SLC39A11: variants seen among roughly 807,000 people sequenced by gnomAD.
SLC39A11 encodes the protein solute carrier family 39 member 11.
A neutral mutation model predicts 36.1 loss-of-function variants in SLC39A11; 33 were observed. The observed-to-expected ratio is 0.91, with a 90% CI of 0.69 to 1.22. The LOEUF (loss-of-function observed/expected upper bound fraction) is 1.22, where lower values mean the gene tolerates loss of function less well. SLC39A11 is among the 50% of genes most tolerant of loss of function. The pLI, the probability that SLC39A11 is intolerant of heterozygous loss-of-function variation, is 0.00. For missense variants in SLC39A11, 432 were observed against 430.3 expected, an observed-to-expected ratio of 1.00 and a Z score of -0.03; for synonymous variants, 166 against 170.3, an observed-to-expected ratio of 0.97 and a Z score of 0.20.
chr17:72,849,559 T>C, intron 6 of SLC39A11, 75 bp downstream of exon 6: 1 of 1,408,924 alleles, frequency 7.1e-7, no homozygotes. Flanking sequence ...CTTCCCCTTT[T>C]CCAGCCAGAC....
chr17:72,797,278 C>A (rs1422475972), intron 6 of SLC39A11, among the ~76,000 whole-genome samples: 2 of 152,048 alleles, frequency 1.3e-5, no homozygotes, highest in African/African-American at 4.8e-5. Context: ...GGAATGCCAA[C>A]CCATCTATTC....
intron 4 of SLC39A11, among the ~76,000 whole-genome samples, chr17:72,952,119 A>AG (rs2085906195): frequency 2.0e-5 from 3 of 152,124 alleles, no homozygotes. Flanking sequence ...CAGAACAACC[A>AG]GGGTCAGCTA....
chr17:72,858,645 T>C (rs2079791019), intron 5 of SLC39A11, among the ~76,000 whole-genome samples: 1 of 152,228 alleles, frequency 6.6e-6, no homozygotes, highest in South Asian at 2.1e-4. Flanking sequence ...GTATCATCTC[T>C]GATTTCTTTG....
At chr17:72,894,811 C>T (rs951206401) in intron 5 of SLC39A11, among the ~76,000 whole-genome samples, 1 of 152,090 alleles carries the variant, frequency 6.6e-6, no homozygotes, top group South Asian at 2.1e-4. Context: ...ATGGGAGAAA[C>T]ATCTCCAGTG....
At chr17:72,922,960 C>CAA (rs10645750) in intron 5 of SLC39A11, among the ~76,000 whole-genome samples, 1,107 of 43,934 alleles carry the variant, frequency 0.025, 86 homozygotes, top group Non-Finnish European at 0.032. Context: ...GACTCCTTCT[C>CAA]AAAAAAAAAA....
At chr17:73,003,661 ATGAC>A (rs1029639982) in intron 4 of SLC39A11, among the ~76,000 whole-genome samples, 7 of 152,180 alleles carry the variant, frequency 4.6e-5, no homozygotes, top group African/African-American at 1.7e-4. Context: ...GGGCAGGACA[ATGAC>A]TGAGCCAGGG....
chr17:72,758,232 CAATT>C (rs2075436471), intron 6 of SLC39A11, among the ~76,000 whole-genome samples: 1 of 152,066 alleles, frequency 6.6e-6, no homozygotes, highest in Non-Finnish European at 1.5e-5. Flanking sequence ...TGGATTGGAT[CAATT>C]AGTCAGTCAA....
rs200891479 is a variant in SLC39A11, at chr17:72,915,372, T to TA, written c.430+32379dup. 2.1e-3 allele frequency among the ~76,000 whole-genome samples: 327 copies of TA among 152,314 alleles called. 2 individuals are homozygous for TA. Among genetic ancestry groups the TA allele is most frequent in the East Asian group, 0.016 (81 of 5,188 alleles). ...TCGTTTTAATGCTTTACCTAATTGT[T>TA]ACCCTGCCCTGCCTCGCTTTTCCTG... On this transcript the variant is annotated intron_variant, in intron 5 of 9. Coordinates refer to ENST00000255559, the MANE Select transcript of SLC39A11 (RefSeq NM_139177.4).
At chr17:72,867,054 T>C (rs1460685938) in intron 5 of SLC39A11, among the ~76,000 whole-genome samples, 1 of 152,120 alleles carries the variant, frequency 6.6e-6, no homozygotes, top group African/African-American at 2.4e-5. Flanking sequence ...TACTAGCAAC[T>C]CATTTGGGAG....
chr17:72,911,688 G>C (rs2083008753), intron 5 of SLC39A11, among the ~76,000 whole-genome samples: 2 of 152,166 alleles, frequency 1.3e-5, no homozygotes, highest in South Asian at 4.1e-4. Context: ...TCTGAGCCCA[G>C]GCTGGAGTAC....
At chr17:72,964,203 C>T (rs1180216062) in intron 4 of SLC39A11, among the ~76,000 whole-genome samples, 1 of 152,210 alleles carries the variant, frequency 6.6e-6, no homozygotes, top group African/African-American at 2.4e-5. Flanking sequence ...GGCTAAGCAA[C>T]AAATGAAGAT....
chr17:72,969,744 T>C (rs1416948458), intron 4 of SLC39A11, among the ~76,000 whole-genome samples: 1 of 152,184 alleles, frequency 6.6e-6, no homozygotes, highest in East Asian at 1.9e-4. Context: ...CCCTGGTTAC[T>C]AGGGAAACGG....
At chr17:72,787,406 T>C (rs4793486) in intron 6 of SLC39A11, among the ~76,000 whole-genome samples, 96,894 of 151,112 alleles carry the variant, frequency 0.64, 32,053 homozygotes, top group Non-Finnish European at 0.74. Flanking sequence ...TACAGGCGCC[T>C]GCCACCACGC....
At chr17:73,037,497 A>T (rs2058960900) in intron 3 of SLC39A11, among the ~76,000 whole-genome samples, 1 of 152,260 alleles carries the variant, frequency 6.6e-6, no homozygotes, top group Admixed American at 6.5e-5. Context: ...GCTGAGTACC[A>T]GGCCCAAGAC....
chr17:72,832,780 T>C (rs1195356828), intron 6 of SLC39A11, among the ~76,000 whole-genome samples: 1 of 152,210 alleles, frequency 6.6e-6, no homozygotes, highest in Non-Finnish European at 1.5e-5. Flanking sequence ...ACTTATTAAA[T>C]ACATAATTAA....
intron 4 of SLC39A11, among the ~76,000 whole-genome samples, chr17:72,969,051 G>A (rs59040658): frequency 0.087 from 13,245 of 152,024 alleles, 861 homozygotes; most frequent in African/African-American, 0.18. Context: ...CTGGAGGCAC[G>A]GGGCTCTCGG....
chr17:72,891,350 G>A (rs2081735457), intron 5 of SLC39A11, among the ~76,000 whole-genome samples: 1 of 152,134 alleles, frequency 6.6e-6, no homozygotes, highest in African/African-American at 2.4e-5. Context: ...GAACCCGGGA[G>A]GTGATTTGGA....
chr17:72,922,399 A>C (rs2083723344), intron 5 of SLC39A11, among the ~76,000 whole-genome samples: 1 of 152,238 alleles, frequency 6.6e-6, no homozygotes, highest in Admixed American at 6.5e-5. Context: ...TTAGGAACAA[A>C]AGGTGCATGA....
At chr17:72,827,598 C>T (rs1368813857) in intron 6 of SLC39A11, among the ~76,000 whole-genome samples, 2 of 152,162 alleles carry the variant, frequency 1.3e-5, no homozygotes, top group African/African-American at 2.4e-5. Flanking sequence ...GGTGGGGAGA[C>T]ACCAGGAAGG....
Sources: gnomAD v4.1 joint callset for allele counts (sites outside exome capture counted in the v4.1 genomes callset) on GRCh38, gnomAD v4.1.1 for gene constraint, MANE v1.5 for transcripts, NCBI Gene and HGNC (gene_info 2026-07-23, HGNC 2026-07-21) for gene names.